The following SCN3A variants were observed in gnomAD, a reference collection of about 807,000 sequenced individuals.
The protein encoded by SCN3A is sodium channel protein type 3 subunit alpha.
SCN3A carries 60 observed loss-of-function variants against 187.6 expected under a neutral mutation model. The ratio of observed to expected loss-of-function variants is 0.32; its 90% CI spans 0.26 to 0.40. The LOEUF (loss-of-function observed/expected upper bound fraction) is 0.40, where lower values mean the gene tolerates loss of function less well. Among genes scored for constraint, SCN3A ranks in the 10% least tolerant of loss-of-function variants. The pLI is 1.00. For synonymous variants in SCN3A, 788 were observed against 829.2 expected (o/e 0.95, Z 0.85); for missense variants, 1,601 against 2,428.2 (o/e 0.66, Z 7.16).
intron 2 of SCN3A, among the ~76,000 whole-genome samples, chr2:165,180,135 C>T (rs1232479404): frequency 6.6e-6 from 1 of 152,118 alleles, no homozygotes; most frequent in Non-Finnish European, 1.5e-5. Context: ...GCAAATACAT[C>T]CCTTTGTTAA....
intron 2 of SCN3A, among the ~76,000 whole-genome samples, chr2:165,184,482 A>AG (rs1691093885): frequency 8.5e-6 from 1 of 117,948 alleles, no homozygotes; most frequent in Non-Finnish European, 1.6e-5. Context: ...TGTCTAGTTC[A>AG]GAAAAAAAAA....
rs771339493 is a variant in SCN3A at position 165,184,687 on chromosome 2, G to A, written c.-51+1864C>T. ...AGTCCTTATCTTTATTTCCACATAG[G>A]AGATAAAGCAAACAGGAATGAATTA... On this transcript the variant is annotated intron_variant, in intron 2 of 27. Coordinates refer to ENST00000283254, the MANE Select transcript of SCN3A (RefSeq NM_006922.4). Among the ~76,000 whole-genome samples the A allele has an allele frequency of 1.9e-3, 287 of 152,118 alleles. 2 individuals carry two copies. Among genetic ancestry groups the A allele is most frequent in the Non-Finnish European group, 3.4e-3 (228 of 67,972 alleles).
chr2:165,170,316 C>G (rs1250273778), intron 4 of SCN3A, 114 bp downstream of exon 4: 3 of 702,164 alleles, frequency 4.3e-6, no homozygotes, highest in Non-Finnish European at 7.8e-6. Flanking sequence ...ATTAAACTAA[C>G]AATGTTACCA....
chr2:165,108,748 G>A (rs1408872296), intron 21 of SCN3A, among the ~76,000 whole-genome samples: 1 of 152,114 alleles, frequency 6.6e-6, no homozygotes, highest in African/African-American at 2.4e-5. Flanking sequence ...AGTATAGTTT[G>A]TGTAGTTATA....
intron 11 of SCN3A, among the ~76,000 whole-genome samples, chr2:165,152,737 G>T (rs1688761485): frequency 6.6e-6 from 1 of 151,976 alleles, no homozygotes; most frequent in Admixed American, 6.6e-5. Context: ...AGCACCTGTT[G>T]TTTCCTGACT....
At chr2:165,162,413 C>G in intron 8 of SCN3A, 42 bp from the exon 9 acceptor site, 1 of 1,601,828 alleles carries the variant, frequency 6.2e-7, no homozygotes, top group South Asian at 1.1e-5. Context: ...CATATTAATC[C>G]TATTCACATT....
intron 1 of SCN3A, among the ~76,000 whole-genome samples, chr2:165,201,558 G>T (rs1434134961): frequency 1.3e-5 from 2 of 151,996 alleles, no homozygotes; most frequent in African/African-American, 4.8e-5. Flanking sequence ...CATTATTTTA[G>T]TTACACAATC....
rs1333191257 is a variant in SCN3A at position 165,088,403 on chromosome 2, T to TA, written c.*1746dup. ...GTAATAGCTTTAGTGCAGCAGGAAT[T>TA]AAAAAAATAAGACTAGTCTGCATAC... On this transcript the variant is annotated 3_prime_UTR_variant, in exon 28 of 28. Coordinates refer to ENST00000283254, the MANE Select transcript of SCN3A (RefSeq NM_006922.4). 6.6e-6 allele frequency: 1 copy of TA among 152,228 alleles called. No homozygotes were observed. The highest frequency in any genetic ancestry group is 2.4e-5 in the African/African-American group (1 of 41,362). 9.4% of individuals were successfully genotyped at this position (152,228 alleles called of 1,614,324 possible).
chr2:165,175,098 G>C (rs1294330296), intron 3 of SCN3A, among the ~76,000 whole-genome samples: 2 of 152,130 alleles, frequency 1.3e-5, no homozygotes, highest in Non-Finnish European at 2.9e-5. Context: ...ATGTCTGAAT[G>C]GTTGTCATTG....
intron 7 of SCN3A, 89 bp downstream of exon 7, chr2:165,163,529 A>G: frequency 5.6e-6 from 8 of 1,430,108 alleles, no homozygotes; most frequent in Non-Finnish European, 7.8e-6. Context: ...AACTGTAATA[A>G]TAAGCAACAA....
intron 19 of SCN3A, among the ~76,000 whole-genome samples, chr2:165,114,759 A>T (rs970622810): frequency 6.6e-6 from 1 of 152,200 alleles, no homozygotes; most frequent in African/African-American, 2.4e-5. Context: ...GAGGGAATGT[A>T]ATTACTGTAG....
chr2:165,091,240 G>C lies in SCN3A; in HGVS notation c.4913C>G (p.Ala1638Gly), dbSNP rs1440896115. The C allele has an allele frequency of 6.2e-7, 1 of 1,613,928 alleles. No homozygotes were observed. Among genetic ancestry groups the C allele is most frequent in the Non-Finnish European group, 8.5e-7 (1 of 1,179,944 alleles). ...IGRILRLIKGAKGIRTLLFAL... is the reference protein window; with the variant it reads ...IGRILRLIKGGKGIRTLLFAL... ...AAAGAGCAGCGTGCGGATCCCCTTT[G>C]CTCCTTTGATCAGACGTAGGATTCG... is the stretch of plus-strand genomic sequence containing the variant. The change falls in exon 28 of 28, where the codon GCA (alanine) becomes GGA (glycine). Residue 1638 changes from alanine to glycine, a missense_variant. By Grantham distance (60) the Ala-to-Gly change is moderately conservative. Coordinates refer to ENST00000283254, the MANE Select transcript of SCN3A (RefSeq NM_006922.4).
At position 165,091,085 on chromosome 2, in the gene SCN3A, A is replaced by G. The variant is rs1559174819; in HGVS notation, c.5068T>C (p.Phe1690Leu). 1.2e-6 allele frequency: 2 copies of G among 1,614,122 alleles called. No individual in the cohort carries two copies. Among genetic ancestry groups the G allele is most frequent in the Non-Finnish European group, 8.5e-7 (1 of 1,180,014 alleles). Residue 1690 changes from phenylalanine to leucine, a missense_variant, in exon 28 of 28, where the codon TTC becomes CTC. By Grantham distance (22) the Phe-to-Leu change is conservative. Around this residue, in one of 11 missense-constraint regions of SCN3A, gnomAD observed 320 missense variants for 623.2 expected, o/e 0.51. Coordinates refer to ENST00000283254, the MANE Select transcript of SCN3A (RefSeq NM_006922.4). Reference sequence around the variant, plus strand: ...CTGTTGCCAAAGGTCTCAAAGTTGAACATGTCATCAATTCCAGCTTCCTTT... The same window carrying G: ...CTGTTGCCAAAGGTCTCAAAGTTGAGCATGTCATCAATTCCAGCTTCCTTT... ...VKKEAGIDDM[F>L]NFETFGNSMI...
chr2:165,115,538 A>G lies in SCN3A; in HGVS notation c.3431T>C (p.Val1144Ala). Reference sequence around the variant, plus strand: ...ACCTTCTCGGGGTAGAACAACATCAACTGTGCTTCCTTCAGATGAGCTGGT... The same window carrying G: ...ACCTTCTCGGGGTAGAACAACATCAGCTGTGCTTCCTTCAGATGAGCTGGT... ...NATSSSEGST[V>A]DVVLPREGEQ... Residue 1144 changes from valine (V) to alanine (A), a missense_variant, in exon 19 of 28, where the codon GTT becomes GCT. Around this residue, in one of 11 missense-constraint regions of SCN3A, gnomAD observed 267 missense variants for 313.2 expected, o/e 0.85. Coordinates refer to ENST00000283254, the MANE Select transcript of SCN3A (RefSeq NM_006922.4). 1.2e-6 allele frequency: 2 copies of G among 1,613,580 alleles called. No individual in the cohort carries two copies. Among genetic ancestry groups the G allele is most frequent in the Admixed American group, 1.7e-5 (1 of 60,002 alleles).
intron 18 of SCN3A, among the ~76,000 whole-genome samples, chr2:165,122,158 A>G (rs893643912): frequency 6.6e-6 from 1 of 151,706 alleles, no homozygotes; most frequent in African/African-American, 2.4e-5. Flanking sequence ...GCCCAAATGC[A>G]TACAGACTAT....
chr2:165,088,410 A>C lies in SCN3A; in HGVS notation c.*1740T>G, dbSNP rs1684931441. On this transcript the variant is annotated 3_prime_UTR_variant, in exon 28 of 28. Coordinates refer to ENST00000283254, the MANE Select transcript of SCN3A (RefSeq NM_006922.4). Reference sequence around the variant, plus strand: ...CTTTAGTGCAGCAGGAATTAAAAAAATAAGACTAGTCTGCATACGTAAATA... The same window carrying C: ...CTTTAGTGCAGCAGGAATTAAAAAACTAAGACTAGTCTGCATACGTAAATA... The C allele has an allele frequency of 6.6e-6, 1 of 152,556 alleles. No individual in the cohort carries two copies. Among genetic ancestry groups the C allele is most frequent in the East Asian group, 1.9e-4 (1 of 5,194 alleles). The allele number at this position is 152,556 out of a possible 1,614,324, so 9.5% of individuals were successfully genotyped here. A position where few individuals can be genotyped will look rare whatever the true frequency, so the allele number is the denominator to read the frequency against.
intron 1 of SCN3A, among the ~76,000 whole-genome samples, chr2:165,198,090 T>C (rs950561208): frequency 6.6e-6 from 1 of 151,762 alleles, no homozygotes; most frequent in Non-Finnish European, 1.5e-5. Flanking sequence ...TTCAATAGTA[T>C]TTAAAGAACA....
Position 165,163,511 on chromosome 2 carries a change from A to C in SCN3A, c.694+107T>G, listed in dbSNP as rs1689538021. 7.0e-6 allele frequency: 9 copies of C among 1,284,968 alleles called. No individual in the cohort carries two copies. In the South Asian group the frequency reaches 7.6e-5, roughly 11 times the overall value. The allele number at this position is 1,284,968 out of a possible 1,614,324, so 79.6% of individuals were successfully genotyped here. ...TTGAAACATCATTTGGCATTATTTA[A>C]CGGGATGAACTGTAATAATAAGCAA... On this transcript the variant is annotated intron_variant, in intron 7 of 27. Transcript: ENST00000283254.
intron 5 of SCN3A, among the ~76,000 whole-genome samples, chr2:165,166,655 A>G (rs761894010): frequency 6.6e-6 from 1 of 152,168 alleles, no homozygotes; most frequent in Non-Finnish European, 1.5e-5. Context: ...TTTTCATCTC[A>G]GAACTAAGTT....
Sources: allele counts gnomAD v4.1 joint callset (sites outside exome capture counted in the v4.1 genomes callset), GRCh38; gene constraint gnomAD v4.1.1; regional missense constraint gnomAD v4.1.1; transcripts MANE v1.5; gene names NCBI Gene and HGNC (gene_info 2026-07-23, HGNC 2026-07-21).